Variants in BICD2 observed in about 807,000 individuals in gnomAD.
The protein encoded by BICD2 is protein bicaudal D homolog 2.
A neutral mutation model predicts 72.9 loss-of-function variants in BICD2; 25 were observed. The ratio of observed to expected loss-of-function variants is 0.34; its 90% confidence interval spans 0.25 to 0.48. The LOEUF is 0.48. Ranked by LOEUF, BICD2 falls within the 20% of genes least tolerant of loss-of-function variation. The pLI is 0.99. For missense variants in BICD2, 894 were observed against 1,175.2 expected (o/e 0.76, Z 3.50); for synonymous variants, 501 against 516.1 (o/e 0.97, Z 0.40).
In BICD2 at chr9:92,719,528, G is replaced by C; in HGVS notation, c.1117C>G (p.Leu373Val). 2 of 1,613,020 alleles carry C rather than the reference G, an allele frequency of 1.2e-6. No individual in the cohort carries two copies. The highest frequency in any genetic ancestry group is 1.1e-5 in the South Asian group (1 of 91,018). ...GACAGGGAGCCCCGCGTGTGCTCCA[G>C]CTGCTTCTGTGTGTCCTGCAGCGTT... Reference protein sequence around the residue: ...LATLQDTQKQLEHTRGSLSEQ... With the variant: ...LATLQDTQKQVEHTRGSLSEQ... The change falls in exon 5 of 7, where the codon CTG (leucine) becomes GTG (valine). Residue 373 changes from leucine to valine, a missense_variant. Leu to Val is a conservative substitution (Grantham distance 32). This residue lies in a region of BICD2 where 371 missense variants were observed against 439.1 expected (regional missense o/e 0.84). Transcript: ENST00000356884.
intron 1 of BICD2, among the ~76,000 whole-genome samples, chr9:92,730,744 G>A (rs575472248): frequency 2.0e-5 from 3 of 152,304 alleles, no homozygotes; most frequent in Non-Finnish European, 2.9e-5. Flanking sequence ...GACTGGTGCT[G>A]GCAATGGGAC....
chr9:92,722,989 C>T (rs1254449024), intron 2 of BICD2, among the ~76,000 whole-genome samples, 181 bp from the exon 3 acceptor site: 2 of 152,148 alleles, frequency 1.3e-5, no homozygotes, highest in Admixed American at 6.5e-5. Flanking sequence ...GAGTGCACAG[C>T]GGACTGCAGA....
rs1853387970 is a variant in BICD2 at position 92,718,871 on chromosome 9, C to G, written c.1774G>C (p.Ala592Pro). The G allele has an allele frequency of 1.1e-5, 17 of 1,602,638 alleles. No individual in the cohort carries two copies. Among genetic ancestry groups the G allele is most frequent in the Non-Finnish European group, 1.4e-5 (17 of 1,175,346 alleles). The change falls in exon 5 of 7, where the codon GCT becomes CCT. Residue 592 changes from alanine to proline, a missense_variant. Physicochemically the swap from Ala to Pro is conservative, Grantham distance 27. This residue lies in a region of BICD2 where 321 missense variants were observed against 443.9 expected (regional missense o/e 0.72). Coordinates refer to ENST00000356884, the MANE Select transcript of BICD2 (RefSeq NM_001003800.2). ...SPILLPKGLL[A>P]PEAGRADGGT... ...CCATCTGCTCGGCCCGCCTCAGGAG[C>G]CAGCAGCCCCTTGGGTAGGAGGATG...
rs745739581 is a variant in BICD2, at chr9:92,729,218, T to C, written c.259A>G (p.Thr87Ala). 6.2e-7 allele frequency: 1 copy of C among 1,614,154 alleles called. No individual in the cohort carries two copies. The highest frequency in any genetic ancestry group is 1.1e-5 in the South Asian group (1 of 91,088). Residue 87 changes from threonine to alanine, a missense_variant, in exon 2 of 7, where the codon ACA (threonine) becomes GCA (alanine). Physicochemically the swap from Thr to Ala is moderately conservative, Grantham distance 58. Around this residue, in one of 5 missense-constraint regions of BICD2, gnomAD observed 192 missense variants for 243.6 expected, o/e 0.79. Coordinates refer to ENST00000356884, the MANE Select transcript of BICD2 (RefSeq NM_001003800.2). ...QLKEAFGQAH[T>A]NHKKVAADGE... Reference sequence around the variant, plus strand: ...TCAGCAGCCACCTTCTTGTGGTTTGTGTGTGCTTGTCCAAAGGCCTGCATC... The same window carrying C: ...TCAGCAGCCACCTTCTTGTGGTTTGCGTGTGCTTGTCCAAAGGCCTGCATC...
At chr9:92,746,532 C>CA (rs60146380) in intron 1 of BICD2, among the ~76,000 whole-genome samples, 5,124 of 101,514 alleles carry the variant, frequency 0.05, 136 homozygotes, top group Non-Finnish European at 0.064. Context: ...ACTCCGTCTC[C>CA]AAAAAAAAAA....
At position 92,719,457 on chromosome 9, in the gene BICD2, G is replaced by A. The variant is rs779456702; in HGVS notation, c.1188C>T (p.Ala396=). 6.2e-7 allele frequency: 1 copy of A among 1,614,120 alleles called. No individual in the cohort carries two copies. Among genetic ancestry groups the A allele is most frequent in the Admixed American group, 1.7e-5 (1 of 60,030 alleles). The change falls in exon 5 of 7, where the codon GCC becomes GCT. Residue 396 remains alanine (A), a synonymous_variant. Transcript: ENST00000356884. ...KVTRLTENLS[A]LRRLQASKER... ...CCTTGCTGGCCTGCAGGCGCCGCAG[G>A]GCACTCAGATTCTCTGTGAGGCGGG... is the stretch of plus-strand genomic sequence containing the variant.
intron 2 of BICD2, among the ~76,000 whole-genome samples, chr9:92,723,850 C>T (rs1281622439): frequency 1.3e-5 from 2 of 152,196 alleles, no homozygotes; most frequent in Non-Finnish European, 1.5e-5. Context: ...GTGCCAGGGA[C>T]CTGGGCCCCT....
intron 4 of BICD2, among the ~76,000 whole-genome samples, chr9:92,719,875 A>G (rs538109119): frequency 6.6e-5 from 10 of 152,344 alleles, no homozygotes; most frequent in African/African-American, 2.2e-4. Context: ...GTGGAGCTCT[A>G]GGCTGGCTGG....
Position 92,720,234 on chromosome 9 carries a change from A to G in BICD2, c.1062+66T>C. The G allele has an allele frequency of 6.9e-7, 1 of 1,457,456 alleles. No homozygotes were observed. Among genetic ancestry groups the G allele is most frequent in the Non-Finnish European group, 9.3e-7 (1 of 1,079,836 alleles). 90.3% of individuals were successfully genotyped at this position (1,457,456 alleles called of 1,614,324 possible). ...AACATCAGCAGAGTGTCAGGTAAGC[A>G]CTGCTCGGGGAGCCCTGCAGACCTG... On this transcript the variant is annotated intron_variant, in intron 4 of 6. Coordinates refer to ENST00000356884, the MANE Select transcript of BICD2 (RefSeq NM_001003800.2). The surrounding 1 kb of genome is among the most constrained non-coding windows in gnomAD (Gnocchi z 5.4).
At chr9:92,761,454 C>T (rs565196434) in intron 1 of BICD2, among the ~76,000 whole-genome samples, 27 of 152,334 alleles carry the variant, frequency 1.8e-4, no homozygotes, top group African/African-American at 6.5e-4. Flanking sequence ...CACTATGACA[C>T]CAAGGTGGCA....
At chr9:92,721,106 C>T (rs1214740778) in intron 3 of BICD2, among the ~76,000 whole-genome samples, 1 of 152,238 alleles carries the variant, frequency 6.6e-6, no homozygotes, top group East Asian at 1.9e-4. Flanking sequence ...AAGAACAACA[C>T]ACATCCATCC....
chr9:92,750,701 T>C (rs1854128621), intron 1 of BICD2, among the ~76,000 whole-genome samples: 1 of 152,016 alleles, frequency 6.6e-6, no homozygotes, highest in Non-Finnish European at 1.5e-5. Flanking sequence ...TGTATGATCC[T>C]GTAATGGTAG....
intron 1 of BICD2, among the ~76,000 whole-genome samples, chr9:92,755,858 C>T (rs923023429): frequency 6.6e-6 from 1 of 152,184 alleles, no homozygotes; most frequent in Non-Finnish European, 1.5e-5. Flanking sequence ...GGCCTGAGCC[C>T]GCCATGATGC....
rs912933130 is a variant in BICD2 at position 92,713,450 on chromosome 9, G to A, written c.*1704C>T. Reference sequence around the variant, plus strand: ...GCCGGGTGGCCAAGTCCTCCTGGCAGCTACTCTACAGCTGAAAACGGGAGA... The same window carrying A: ...GCCGGGTGGCCAAGTCCTCCTGGCAACTACTCTACAGCTGAAAACGGGAGA... On this transcript the variant is annotated 3_prime_UTR_variant, in exon 7 of 7. Transcript: ENST00000356884. 2 of 1,590,470 alleles carry A rather than the reference G, an allele frequency of 1.3e-6. No homozygotes were observed. Among genetic ancestry groups the A allele is most frequent in the African/African-American group, 1.3e-5 (1 of 74,730 alleles).
intron 1 of BICD2, among the ~76,000 whole-genome samples, chr9:92,747,919 C>T (rs373534803): frequency 6.6e-6 from 1 of 152,154 alleles, no homozygotes; most frequent in African/African-American, 2.4e-5. Flanking sequence ...GCCCCACACC[C>T]GAAGTGGGCT....
chr9:92,757,917 G>A (rs190909422), intron 1 of BICD2, among the ~76,000 whole-genome samples: 7 of 152,242 alleles, frequency 4.6e-5, no homozygotes, highest in African/African-American at 1.7e-4. Flanking sequence ...TAAAAAATGA[G>A]TAAAGGCTGG....
At position 92,718,193 on chromosome 9, in the gene BICD2, C is replaced by T. The variant is rs569586695; in HGVS notation, c.2107-245G>A. Among the ~76,000 whole-genome samples, 32 of 152,340 alleles carry T rather than the reference C, an allele frequency of 2.1e-4. No individual in the cohort carries two copies. In the South Asian group the frequency reaches 5.2e-3, roughly 25 times the overall value. ...CCTAAACCTGCCAACAGGACCTCCA[C>T]GAAGCCCCACAATTGCTCTCCACAG... On this transcript the variant is annotated intron_variant, in intron 5 of 6. Transcript: ENST00000356884.
Position 92,718,740 on chromosome 9 carries a change from A to T in BICD2, c.1905T>A (p.Arg635=), listed in dbSNP as rs1192540751. 2 of 1,614,086 alleles carry T rather than the reference A, an allele frequency of 1.2e-6. No homozygotes were observed. Among genetic ancestry groups the T allele is most frequent in the South Asian group, 2.2e-5 (2 of 91,076 alleles). ...MNIYNLIAII[R]DQIKHLQAAV... is the part of the protein sequence containing the mutation. ...CTGCCTGCAGGTGCTTGATCTGGTC[A>T]CGGATGATAGCGATCAGGTTGTAGA... is the stretch of plus-strand genomic sequence containing the variant. Residue 635 remains arginine (R), a synonymous_variant, in exon 5 of 7, where the codon CGT becomes CGA. Transcript: ENST00000356884.
Position 92,718,653 on chromosome 9 carries a change from G to A in BICD2, c.1992C>T (p.Ala664=), listed in dbSNP as rs767316412. 12 of 1,613,870 alleles carry A rather than the reference G, an allele frequency of 7.4e-6. No homozygotes were observed. The highest frequency in any genetic ancestry group is 3.3e-5 in the South Asian group (3 of 91,078). ...TAAGCGCTTCCTTGTCCTTGTCCAC[G>A]GCGGGGCCCAGCTCCTGAGAGGCAA... ...QRIASQELGP[A]VDKDKEALME... is the part of the protein sequence containing the mutation. Residue 664 remains alanine, a synonymous_variant, in exon 5 of 7, where the codon GCC becomes GCT. Transcript: ENST00000356884.
Sources: gnomAD v4.1 joint callset for allele counts (sites outside exome capture counted in the v4.1 genomes callset) on GRCh38, gnomAD v4.1.1 for gene constraint, gnomAD v4.1.1 regional missense constraint, Gnocchi (gnomAD v3.1) non-coding constraint, MANE v1.5 for transcripts, NCBI Gene and HGNC (gene_info 2026-07-23, HGNC 2026-07-21) for gene names.